CAAP1: variants seen among roughly 807,000 people sequenced by gnomAD.
CAAP1 encodes the protein conserved anti-apoptotic protein.
In CAAP1, 20 loss-of-function variants were observed where a neutral mutation model predicts 34.0. That is an observed-to-expected ratio of 0.59 (90% confidence interval 0.41 to 0.86). The LOEUF is 0.86. Ranked by LOEUF, CAAP1 falls within the 40% of genes least tolerant of loss-of-function variation. CAAP1 has a pLI of 0.00. For synonymous variants in CAAP1, 213 were observed against 166.7 expected, an observed-to-expected ratio of 1.28 and a Z score of -2.14; for missense variants, 538 against 450.5, an observed-to-expected ratio of 1.19 and a Z score of -1.76.
intron 5 of CAAP1, among the ~76,000 whole-genome samples, chr9:26,844,421 G>T (rs565815861): frequency 2.6e-5 from 4 of 152,130 alleles, no homozygotes; most frequent in Non-Finnish European, 5.9e-5. Flanking sequence ...TAGTGTCTCC[G>T]AGGCTTTACC....
chr9:26,877,593 C>T (rs1176540850), intron 4 of CAAP1, among the ~76,000 whole-genome samples: 1 of 152,128 alleles, frequency 6.6e-6, no homozygotes, highest in Non-Finnish European at 1.5e-5. Flanking sequence ...GTTGTATGAA[C>T]ATGTTACTCC....
At chr9:26,878,614 C>A (rs1338880378) in intron 4 of CAAP1, among the ~76,000 whole-genome samples, 1 of 152,170 alleles carries the variant, frequency 6.6e-6, no homozygotes, top group Non-Finnish European at 1.5e-5. Flanking sequence ...CATTCTCCAT[C>A]TTCCTCCACT....
At chr9:26,887,765 G>A (rs1303900362) in intron 1 of CAAP1, among the ~76,000 whole-genome samples, 2 of 152,092 alleles carry the variant, frequency 1.3e-5, no homozygotes, top group African/African-American at 4.8e-5. Context: ...CAAAAGTATA[G>A]TAAATATTGA....
At chr9:26,871,580 A>G (rs1424098316) in intron 4 of CAAP1, among the ~76,000 whole-genome samples, 1 of 149,904 alleles carries the variant, frequency 6.7e-6, no homozygotes, top group African/African-American at 2.4e-5. Flanking sequence ...CTGTCTTTAA[A>G]AAAAAAAAAA....
chr9:26,892,489 C>G lies in CAAP1; in HGVS notation c.227G>C (p.Gly76Ala), dbSNP rs1435463902. 1.9e-6 allele frequency: 3 copies of G among 1,567,556 alleles called. No individual in the cohort carries two copies. The highest frequency in any genetic ancestry group is 2.6e-6 in the Non-Finnish European group (3 of 1,156,202). ...GCGCTCGCTGCGCTCCACGCTGCTCCCGCCCCAACAGCTGCCGCCGCTCCC... is the reference window on the plus strand; with the variant it reads ...GCGCTCGCTGCGCTCCACGCTGCTCGCGCCCCAACAGCTGCCGCCGCTCCC... ...GGGSGGSCWG[G>A]SSVERSERRK... Residue 76 changes from glycine (G) to alanine (A), a missense_variant, in exon 1 of 6, where the codon GGG becomes GCG. This residue lies in a region of CAAP1 where 514 missense variants were observed against 408.4 expected (regional missense o/e 1.26). Transcript: ENST00000333916.
intron 5 of CAAP1, among the ~76,000 whole-genome samples, chr9:26,858,067 T>C (rs928918555): frequency 6.6e-6 from 1 of 152,262 alleles, no homozygotes. Context: ...CTTTATATTT[T>C]GGTCTACTGA....
chr9:26,881,473 C>T (rs1326879012), intron 4 of CAAP1, among the ~76,000 whole-genome samples: 2 of 152,166 alleles, frequency 1.3e-5, no homozygotes, highest in East Asian at 3.9e-4. Flanking sequence ...GTAAGTTTCA[C>T]AAGATCTGAT....
At chr9:26,865,718 A>G (rs1196048656) in intron 4 of CAAP1, among the ~76,000 whole-genome samples, 1 of 152,232 alleles carries the variant, frequency 6.6e-6, no homozygotes, top group Non-Finnish European at 1.5e-5. Context: ...CTAATTCTAA[A>G]GACTTTAAAT....
At chr9:26,870,104 C>A (rs1823238756) in intron 4 of CAAP1, 2 of 227,134 alleles carry the variant, frequency 8.8e-6, no homozygotes, top group Non-Finnish European at 1.4e-5. Flanking sequence ...CTTCCCAAGT[C>A]CCTCAAAGTT....
At chr9:26,873,348 T>C in intron 4 of CAAP1, among the ~76,000 whole-genome samples, 1 of 152,234 alleles carries the variant, frequency 6.6e-6, no homozygotes. Flanking sequence ...CTGTTTATTA[T>C]CTGTAGGAAA....
chr9:26,881,908 G>C (rs1486114801), intron 4 of CAAP1, among the ~76,000 whole-genome samples: 1 of 152,180 alleles, frequency 6.6e-6, no homozygotes, highest in South Asian at 2.1e-4. Context: ...GTTCCAGACG[G>C]AGATGAGAAA....
intron 2 of CAAP1, 89 bp downstream of exon 2, chr9:26,887,224 A>G (rs1563894865): frequency 1.2e-6 from 1 of 842,892 alleles, no homozygotes; most frequent in African/African-American, 1.7e-5. Flanking sequence ...AAAAACAAAC[A>G]AACAAAACCG....
At chr9:26,854,483 C>G (rs746123048) in intron 5 of CAAP1, among the ~76,000 whole-genome samples, 1 of 140,152 alleles carries the variant, frequency 7.1e-6, no homozygotes, top group African/African-American at 3.3e-5. Context: ...CTGGGTTCAG[C>G]TGAATGTATC....
At position 26,887,370 on chromosome 9, in the gene CAAP1, C is replaced by G; in HGVS notation, c.447G>C (p.Gln149His). 1.2e-6 allele frequency: 2 copies of G among 1,611,430 alleles called. No homozygotes were observed. The highest frequency in any genetic ancestry group is 1.1e-5 in the South Asian group (1 of 90,462). ...TTTTCTCTCCTATAATACAGAAGCA[C>G]TGCTGAAGCATTTCTTTTTTGTCTG... ...YISDKKEMLQQCFCIIGEKKL... is the reference protein window; with the variant it reads ...YISDKKEMLQHCFCIIGEKKL... The change falls in exon 2 of 6, where the codon CAG becomes CAC. Residue 149 changes from glutamine to histidine, a missense_variant. Coordinates refer to ENST00000333916, the MANE Select transcript of CAAP1 (RefSeq NM_024828.4).
At chr9:26,843,947 A>G (rs1042947520) in intron 5 of CAAP1, among the ~76,000 whole-genome samples, 1 of 152,232 alleles carries the variant, frequency 6.6e-6, no homozygotes, top group Admixed American at 6.5e-5. Context: ...AACATTTTAT[A>G]TATGTCCGCA....
At chr9:26,860,596 T>C (rs1347643769) in intron 5 of CAAP1, among the ~76,000 whole-genome samples, 1 of 152,002 alleles carries the variant, frequency 6.6e-6, no homozygotes, top group African/African-American at 2.4e-5. Context: ...ATCTAGACCA[T>C]CCTGGCTAAC....
chr9:26,848,957 T>C (rs896699703), intron 5 of CAAP1, among the ~76,000 whole-genome samples: 2 of 152,248 alleles, frequency 1.3e-5, no homozygotes, highest in Admixed American at 6.5e-5. Flanking sequence ...ATGTCAGTGA[T>C]GAATCTGAGC....
In CAAP1 at chr9:26,842,629, T is replaced by A; in HGVS notation, c.758A>T (p.Asp253Val). Reference sequence around the variant, plus strand: ...AGCATCTGCATTTATACTGAGTACATCACTATCTTCCCCTTTTCCTGTAAC... The same window carrying A: ...AGCATCTGCATTTATACTGAGTACAACACTATCTTCCCCTTTTCCTGTAAC... ...ELKQGKGEDS[D>V]VLSINADAYD... The change falls in exon 6 of 6, where the codon GAT becomes GTT. Residue 253 changes from aspartate (D) to valine (V), a missense_variant. Transcript: ENST00000333916. 5.0e-6 allele frequency: 8 copies of A among 1,606,380 alleles called. No homozygotes were observed. The highest frequency in any genetic ancestry group is 6.8e-6 in the Non-Finnish European group (8 of 1,176,664).
intron 4 of CAAP1, among the ~76,000 whole-genome samples, chr9:26,873,409 A>C (rs941551787): frequency 6.6e-6 from 1 of 152,228 alleles, no homozygotes; most frequent in Admixed American, 6.5e-5. Context: ...CAATAAAAGC[A>C]CATTCATTTA....
Sources: allele counts gnomAD v4.1 joint callset (sites outside exome capture counted in the v4.1 genomes callset), GRCh38; gene constraint gnomAD v4.1.1; regional missense constraint gnomAD v4.1.1; transcripts MANE v1.5; gene names NCBI Gene and HGNC (gene_info 2026-07-23, HGNC 2026-07-21).